Variants in PRRG1 observed in about 807,000 individuals in gnomAD.
PRRG1 encodes the protein transmembrane gamma-carboxyglutamic acid protein 1.
A neutral mutation model predicts 11.8 loss-of-function variants in PRRG1; 5 were observed. That is an observed-to-expected ratio of 0.42 (90% CI 0.22 to 0.89). The LOEUF is 0.89. Among genes scored for constraint, PRRG1 ranks in the 40% least tolerant of loss-of-function variants. PRRG1 has a pLI of 0.28. For missense variants in PRRG1, 155 were observed against 166.1 expected (o/e 0.93, Z 0.37); for synonymous variants, 66 against 60.4 (o/e 1.09, Z -0.43).
intron 2 of PRRG1, among the ~76,000 whole-genome samples, chrX:37,425,247 G>A (rs1176025850): frequency 9.0e-6 from 1 of 111,410 alleles, no homozygotes; most frequent in Admixed American, 9.6e-5. Context: ...AGTGAAATGA[G>A]GTTGAATGTG....
intron 1 of PRRG1, among the ~76,000 whole-genome samples, chrX:37,365,871 A>G (rs782592710): frequency 1.8e-5 from 2 of 111,641 alleles, no homozygotes; most frequent in Non-Finnish European, 3.8e-5. Context: ...CACTGTGCAT[A>G]GCAATATCCT....
intron 2 of PRRG1, among the ~76,000 whole-genome samples, chrX:37,419,996 T>C (rs1932610083): frequency 8.9e-6 from 1 of 111,901 alleles, no homozygotes; most frequent in African/African-American, 3.3e-5. Flanking sequence ...AGTGTATTTT[T>C]ATTATCAGCT....
intron 1 of PRRG1, among the ~76,000 whole-genome samples, chrX:37,385,583 A>G (rs1474887502): frequency 9.0e-6 from 1 of 110,931 alleles, no homozygotes; most frequent in Middle Eastern, 4.2e-3. Flanking sequence ...AAAACTTAGC[A>G]GCTTCATGTA....
chrX:37,445,725 G>A (rs1933063580), intron 3 of PRRG1, among the ~76,000 whole-genome samples: 1 of 112,454 alleles, frequency 8.9e-6, no homozygotes, highest in African/African-American at 3.2e-5. Context: ...TAAATCATTT[G>A]GCAACCTATT....
At chrX:37,388,203 C>CACCT (rs1231045038) in intron 1 of PRRG1, among the ~76,000 whole-genome samples, 3 of 112,244 alleles carry the variant, frequency 2.7e-5, no homozygotes, top group Non-Finnish European at 5.6e-5. Flanking sequence ...TGATGTTGAG[C>CACCT]ACCTTCTGCT....
chrX:37,392,769 C>A (rs1556377076), intron 1 of PRRG1, among the ~76,000 whole-genome samples: 1 of 109,940 alleles, frequency 9.1e-6, no homozygotes, highest in Admixed American at 9.7e-5. Flanking sequence ...ATTTAAATAA[C>A]ATCTTTTCCT....
At chrX:37,376,700 C>T (rs1930972225) in intron 1 of PRRG1, among the ~76,000 whole-genome samples, 1 of 103,869 alleles carries the variant, frequency 9.6e-6, no homozygotes. Flanking sequence ...CAACCAGGAC[C>T]ATGTGTTCCT....
At chrX:37,379,582 C>G (rs941612629) in intron 1 of PRRG1, among the ~76,000 whole-genome samples, 5 of 111,161 alleles carry the variant, frequency 4.5e-5, no homozygotes, top group African/African-American at 6.5e-5. Flanking sequence ...TCCAAATTGC[C>G]TGCCTTAAGT....
At chrX:37,364,437 CAT>C (rs1369821403) in intron 1 of PRRG1, among the ~76,000 whole-genome samples, 2 of 111,935 alleles carry the variant, frequency 1.8e-5, no homozygotes, top group Admixed American at 1.9e-4. Flanking sequence ...CTGCAATAAT[CAT>C]GTGATTTCAT....
intron 3 of PRRG1, among the ~76,000 whole-genome samples, chrX:37,431,397 A>G (rs1027650865): frequency 9.8e-5 from 11 of 112,265 alleles, no homozygotes; most frequent in African/African-American, 3.6e-4. Context: ...TTACATACTC[A>G]TGAGCACTTG....
chrX:37,350,557 C>T (rs984208196), intron 1 of PRRG1, among the ~76,000 whole-genome samples: 1 of 111,517 alleles, frequency 9.0e-6, no homozygotes, highest in Non-Finnish European at 1.9e-5. Flanking sequence ...GGATACAAAA[C>T]ATTAGGGCAA....
At chrX:37,420,668 CAAAAAAA>C (rs1302856034) in intron 2 of PRRG1, among the ~76,000 whole-genome samples, 11 of 29,533 alleles carry the variant, frequency 3.7e-4, no homozygotes, top group Non-Finnish European at 4.8e-4. Context: ...CCCGTCTATG[CAAAAAAA>C]AAAAAAAAAA....
rs1341776252 is a variant in PRRG1, at chrX:37,453,396, G to A, written c.432G>A (p.Leu144=). 3 of 1,203,022 alleles carry A rather than the reference G, an allele frequency of 2.5e-6. No homozygotes were observed. The African/African-American group carries it at 5.4e-5, about 22-fold the overall frequency. The change falls in exon 4 of 4, where the codon TTG becomes TTA. Residue 144 remains leucine, a synonymous_variant. Transcript: ENST00000378628. ...PPDEVFDSSG[L]SPGFLGYVVG... is the part of the protein sequence containing the mutation. ...ATGAAGTGTTTGACAGCAGTGGATT[G>A]TCTCCAGGCTTTCTGGGATATGTAG... is the stretch of plus-strand genomic sequence containing the variant.
At chrX:37,449,338 G>A (rs1340669469) in intron 3 of PRRG1, among the ~76,000 whole-genome samples, 3 of 111,800 alleles carry the variant, frequency 2.7e-5, no homozygotes, top group Admixed American at 1.9e-4. Context: ...TTTTATGTAG[G>A]TTCTGACCTG....
intron 1 of PRRG1, among the ~76,000 whole-genome samples, chrX:37,365,566 G>T (rs1930549625): frequency 8.9e-6 from 1 of 112,102 alleles, no homozygotes; most frequent in Non-Finnish European, 1.9e-5. Flanking sequence ...TTATCTGTCT[G>T]TCCATATCTG....
intron 2 of PRRG1, among the ~76,000 whole-genome samples, chrX:37,406,686 G>C (rs1569443905): frequency 9.0e-6 from 1 of 110,813 alleles, no homozygotes; most frequent in East Asian, 2.8e-4. Flanking sequence ...TCATCTGTGA[G>C]GTTGATTTGT....
At position 37,408,810 on chromosome X, in the gene PRRG1, C is replaced by G. The variant is rs782493267; in HGVS notation, c.10+2551C>G. ...GCTTCAAGTGGATTTGGAGAATGTT[C>G]TGGTTGTTGGATACTGCTATAGCCA... is the stretch of plus-strand genomic sequence containing the variant. On this transcript the variant is annotated intron_variant, in intron 2 of 3. Coordinates refer to ENST00000378628, the MANE Select transcript of PRRG1 (RefSeq NM_001142395.2). 4.5e-5 allele frequency among the ~76,000 whole-genome samples: 5 copies of G among 110,541 alleles called. No individual in the cohort carries two copies. The South Asian group carries it at 2.0e-3, about 44-fold the overall frequency.
chrX:37,429,152 T>C (rs1169648830), intron 3 of PRRG1, among the ~76,000 whole-genome samples: 1 of 112,087 alleles, frequency 8.9e-6, no homozygotes, highest in African/African-American at 3.2e-5. Flanking sequence ...GGGGCTGCCT[T>C]GAAAACCCAT....
At chrX:37,450,456 A>AT (rs1209427660) in intron 3 of PRRG1, among the ~76,000 whole-genome samples, 1 of 111,998 alleles carries the variant, frequency 8.9e-6, no homozygotes, top group Non-Finnish European at 1.9e-5. Context: ...TTTCTCTGTA[A>AT]TTTTTTCCAA....
Sources: allele counts gnomAD v4.1 joint callset (sites outside exome capture counted in the v4.1 genomes callset), GRCh38; gene constraint gnomAD v4.1.1; transcripts MANE v1.5; gene names NCBI Gene and HGNC (gene_info 2026-07-23, HGNC 2026-07-21).